Variants in KIF1A observed in about 807,000 individuals in gnomAD.
KIF1A encodes kinesin-like protein KIF1A.
In KIF1A, 46 loss-of-function variants were observed where a neutral mutation model predicts 227.3. The ratio of observed to expected loss-of-function variants is 0.20; its 90% CI spans 0.16 to 0.26. The LOEUF (loss-of-function observed/expected upper bound fraction) is 0.26. Among genes scored for constraint, KIF1A ranks in the 10% least tolerant of loss-of-function variants. The pLI, the probability that KIF1A is intolerant of heterozygous loss-of-function variation, is 1.00. For synonymous variants in KIF1A, 1,022 were observed against 1,012.8 expected, an observed-to-expected ratio of 1.01 and a Z score of -0.17; for missense variants, 1,683 against 2,485.9, an observed-to-expected ratio of 0.68 and a Z score of 6.87.
intron 34 of KIF1A, 49 bp downstream of exon 34, chr2:240,742,880 C>T: frequency 6.5e-7 from 1 of 1,528,152 alleles, no homozygotes; most frequent in East Asian, 2.3e-5. Context: ...ACAGCACCCA[C>T]AGTGAGGGGA....
At chr2:240,782,756 G>C (rs2054238447) in intron 9 of KIF1A, 149 bp from the exon 10 acceptor site, 1 of 871,200 alleles carries the variant, frequency 1.1e-6, no homozygotes, top group South Asian at 1.6e-5. Flanking sequence ...GCTCCCCCAG[G>C]CAGGGTCCCT....
At chr2:240,784,017 G>T (rs2126055967) in intron 7 of KIF1A, among the ~76,000 whole-genome samples, 1 of 152,224 alleles carries the variant, frequency 6.6e-6, no homozygotes, top group African/African-American at 2.4e-5. Flanking sequence ...CCAAGGCCCT[G>T]CCCGAGTTGA....
chr2:240,785,383 C>T (rs2054602540), intron 6 of KIF1A, among the ~76,000 whole-genome samples: 2 of 152,240 alleles, frequency 1.3e-5, no homozygotes, highest in South Asian at 4.1e-4. Flanking sequence ...GAAGCCCATG[C>T]AGTGCCCAGC....
intron 9 of KIF1A, 64 bp from the exon 10 acceptor site, chr2:240,782,671 G>A (rs1295461699): frequency 5.9e-6 from 9 of 1,521,872 alleles, no homozygotes; most frequent in Admixed American, 5.9e-5. Context: ...CTGTGGGGGC[G>A]GAAGAGCAGG....
intron 28 of KIF1A, among the ~76,000 whole-genome samples, chr2:240,748,399 G>A (rs1029577352): frequency 2.0e-5 from 3 of 152,174 alleles, no homozygotes; most frequent in African/African-American, 7.2e-5. Context: ...AGACCAGGAC[G>A]GCAGCTGCCC....
At chr2:240,730,669 A>G (rs1444769394) in intron 38 of KIF1A, among the ~76,000 whole-genome samples, 1 of 152,218 alleles carries the variant, frequency 6.6e-6, no homozygotes, top group East Asian at 1.9e-4. Flanking sequence ...ATCCGATGTG[A>G]ACACACAGCT....
At chr2:240,785,469 C>T (rs905606833) in intron 6 of KIF1A, among the ~76,000 whole-genome samples, 15 of 152,224 alleles carry the variant, frequency 9.9e-5, no homozygotes, top group African/African-American at 3.4e-4. Context: ...CCTACCACGG[C>T]CCACACCCGC....
intron 16 of KIF1A, 123 bp from the exon 17 acceptor site, chr2:240,769,331 GT>G: frequency 1.3e-6 from 1 of 767,594 alleles, no homozygotes; most frequent in Non-Finnish European, 2.1e-6. Flanking sequence ...GCCCATGCGT[GT>G]CCCATCTGGT....
intron 38 of KIF1A, among the ~76,000 whole-genome samples, chr2:240,732,146 A>AGGGGAGGAGGGGAGGAGGGG (rs2046752891): frequency 3.4e-5 from 1 of 29,042 alleles, no homozygotes; most frequent in Non-Finnish European, 6.4e-5. Context: ...GGGATGAGGG[A>AGGGGAGGAGGGGAGGAGGGG]TTGGGGAGGA....
intron 37 of KIF1A, 154 bp from the exon 38 acceptor site, chr2:240,737,322 T>C: frequency 1.6e-6 from 1 of 618,926 alleles, no homozygotes. Flanking sequence ...AGGGAGGCCC[T>C]ACAGGGTCCT....
chr2:240,720,756 G>T lies in KIF1A; in HGVS notation c.4868+158C>A, dbSNP rs1196038277. On this transcript the variant is annotated intron_variant, in intron 45 of 48. Coordinates refer to ENST00000498729, the MANE Select transcript of KIF1A (RefSeq NM_001244008.2). ...ACAGGCACCCTCTGAGAGGGCTGCG[G>T]ACTCCACTCCTCCAGGCCCTTCCCT... The T allele has an allele frequency of 3.7e-6, 3 of 814,196 alleles. No homozygotes were observed. In the African/African-American group the frequency reaches 5.2e-5, roughly 14 times the overall value. The allele number at this position is 814,196 out of a possible 1,614,324, so 50.4% of individuals were successfully genotyped here.
rs756526513 is a variant in KIF1A at position 240,757,408 on chromosome 2, G to GTCCTCCTCC, written c.2760_2768dup (p.Glu920_Glu922dup). ...GCTCCGGAAAGACGTCGTCCTCCAG[G>GTCCTCCTCC]TCCTCCTCCTCCTCATCCTCCTCCT... is the stretch of plus-strand genomic sequence containing the variant. On this transcript the variant is annotated inframe_insertion, in exon 27 of 49. Transcript: ENST00000498729. This position sits in a 1 kb window ranked among gnomAD's most constrained non-coding sequence, Gnocchi z 6.2. 4 of 1,532,920 alleles carry GTCCTCCTCC rather than the reference G, an allele frequency of 2.6e-6. No homozygotes were observed. Among genetic ancestry groups the GTCCTCCTCC allele is most frequent in the African/African-American group, 1.5e-5 (1 of 65,364 alleles). The allele number at this position is 1,532,920 out of a possible 1,614,324, so 95.0% of individuals were successfully genotyped here.
intron 46 of KIF1A, 107 bp from the exon 47 acceptor site, chr2:240,719,305 T>C (rs2044974173): frequency 8.7e-6 from 11 of 1,270,310 alleles, no homozygotes; most frequent in Non-Finnish European, 1.2e-5. Flanking sequence ...GCCAACCACC[T>C]CCCCAGCCAG....
rs375144821 is a variant in KIF1A at position 240,763,073 on chromosome 2, G to A, written c.1968C>T (p.Asp656=). 1.9e-6 allele frequency: 3 copies of A among 1,573,198 alleles called. No homozygotes were observed. In the African/African-American group the frequency reaches 4.0e-5, roughly 21 times the overall value. Reference sequence around the variant, plus strand: ...CCTCCTCCCGCTCGCGGCGGTACTGGTCCTCCAGTTCCTGGAGCCTGCAAG... The same window carrying A: ...CCTCCTCCCGCTCGCGGCGGTACTGATCCTCCAGTTCCTGGAGCCTGCAAG... ...EMEQRLQELE[D]QYRREREEAT... Residue 656 remains aspartate, a synonymous_variant, in exon 22 of 49, where the codon GAC becomes GAT. Coordinates refer to ENST00000498729, the MANE Select transcript of KIF1A (RefSeq NM_001244008.2).
intron 1 of KIF1A, among the ~76,000 whole-genome samples, chr2:240,804,595 A>G (rs2057229023): frequency 6.6e-6 from 1 of 152,194 alleles, no homozygotes; most frequent in South Asian, 2.1e-4. Flanking sequence ...AGTCACCACA[A>G]AATTGAATCC....
intron 9 of KIF1A, 138 bp downstream of exon 9, chr2:240,782,906 C>T (rs2054257997): frequency 1.3e-6 from 1 of 769,914 alleles, no homozygotes; most frequent in Non-Finnish European, 2.3e-6. Context: ...GCATGTGACA[C>T]TCTGGCCATC....
intron 7 of KIF1A, 127 bp from the exon 8 acceptor site, chr2:240,783,943 G>A (rs979448243): frequency 1.8e-5 from 13 of 718,560 alleles, no homozygotes; most frequent in Admixed American, 4.3e-5. Context: ...GCAAGGCGCC[G>A]CCCCTCCCCA....
Position 240,758,117 on chromosome 2 carries a change from C to T in KIF1A, c.2582+243G>A, listed in dbSNP as rs2050090658. On this transcript the variant is annotated intron_variant, in intron 26 of 48. Transcript: ENST00000498729. This position sits in a 1 kb window ranked among gnomAD's most constrained non-coding sequence, Gnocchi z 5.2. Reference sequence around the variant, plus strand: ...ATGGGTTCTGGCGGCTACAGCCCTGCAGTGGGTTTGGGTGGCAGTGCCAAG... The same window carrying T: ...ATGGGTTCTGGCGGCTACAGCCCTGTAGTGGGTTTGGGTGGCAGTGCCAAG... 1.3e-5 allele frequency among the ~76,000 whole-genome samples: 2 copies of T among 152,226 alleles called. No individual in the cohort carries two copies. Among genetic ancestry groups the T allele is most frequent in the Non-Finnish European group, 2.9e-5 (2 of 68,034 alleles).
intron 17 of KIF1A, among the ~76,000 whole-genome samples, chr2:240,768,195 C>T (rs569072296): frequency 1.2e-4 from 19 of 152,340 alleles, no homozygotes; most frequent in Non-Finnish European, 2.4e-4. Context: ...TAAAGCTGCA[C>T]CCCTGGAGTT....
Sources: gnomAD v4.1 joint callset for allele counts (sites outside exome capture counted in the v4.1 genomes callset) on GRCh38, gnomAD v4.1.1 for gene constraint, Gnocchi (gnomAD v3.1) non-coding constraint, MANE v1.5 for transcripts, NCBI Gene and HGNC (gene_info 2026-07-23, HGNC 2026-07-21) for gene names.